The following DOCK6 variants were observed in gnomAD, a reference collection of about 807,000 sequenced individuals.
DOCK6 encodes the protein dedicator of cytokinesis protein 6.
A neutral mutation model predicts 230.3 loss-of-function variants in DOCK6; 167 were observed. That is an observed-to-expected ratio of 0.73 (90% CI 0.64 to 0.82). The LOEUF (loss-of-function observed/expected upper bound fraction) is 0.82. Among genes scored for constraint, DOCK6 ranks in the 40% least tolerant of loss-of-function variants. The pLI, the probability that DOCK6 is intolerant of heterozygous loss-of-function variation, is 0.00. For missense variants in DOCK6, 2,598 were observed against 2,825.8 expected (o/e 0.92, Z 1.83); for synonymous variants, 1,148 against 1,185.0 (o/e 0.97, Z 0.64).
chr19:11,232,147 T>C (rs1268671854), intron 22 of DOCK6: 2 of 1,257,586 alleles, frequency 1.6e-6, no homozygotes, highest in Admixed American at 4.7e-5. Flanking sequence ...CATGCTGAGG[T>C]GGTGTCACAT....
rs778023627 is a variant in DOCK6, at chr19:11,236,892, G to A, written c.2074-13C>T. On this transcript the variant is annotated splice_polypyrimidine_tract_variant and intron_variant, in intron 18 of 47. Transcript: ENST00000294618. The surrounding 1 kb of genome is among the most constrained non-coding windows in gnomAD (Gnocchi z 5.2). ...CCGGAAGCGCCACCTGTGGGAGGGAGGCACCAGGTGGGCACTGGTCAGCCC... is the reference window on the plus strand; with the variant it reads ...CCGGAAGCGCCACCTGTGGGAGGGAAGCACCAGGTGGGCACTGGTCAGCCC... 3 of 1,549,762 alleles carry A rather than the reference G, an allele frequency of 1.9e-6. No homozygotes were observed. In the South Asian group the frequency reaches 3.6e-5, roughly 18 times the overall value.
At chr19:11,210,602 C>A (rs564641294) in intron 37 of DOCK6, among the ~76,000 whole-genome samples, 1 of 149,284 alleles carries the variant, frequency 6.7e-6, no homozygotes, top group East Asian at 2.0e-4. Context: ...CTTCACCTGT[C>A]CATCCCTTCA....
intron 9 of DOCK6, 26 bp downstream of exon 9, chr19:11,245,537 C>A (rs1360735096): frequency 6.5e-7 from 1 of 1,544,298 alleles, no homozygotes. Flanking sequence ...GCCATTACCA[C>A]CCCCTTGCCC....
intron 35 of DOCK6, 46 bp downstream of exon 35, chr19:11,213,130 C>G: frequency 6.3e-7 from 1 of 1,587,020 alleles, no homozygotes; most frequent in Non-Finnish European, 8.6e-7. Context: ...CACTGGCCAC[C>G]CTGACCAGAG....
chr19:11,215,664 G>T, intron 31 of DOCK6, 137 bp downstream of exon 31: 1 of 1,451,002 alleles, frequency 6.9e-7, no homozygotes, highest in South Asian at 1.2e-5. Flanking sequence ...GCATGTGTAC[G>T]GTGATGATTT....
chr19:11,199,595 C>A, intron 47 of DOCK6, 56 bp from the exon 48 acceptor site: 2 of 1,521,980 alleles, frequency 1.3e-6, no homozygotes. Flanking sequence ...ACTCCATAGA[C>A]CTCCCAGCCC....
rs150976633 is a variant in DOCK6, at chr19:11,218,207, C to T, written c.3551-816G>A. On this transcript the variant is annotated intron_variant, in intron 28 of 47. Transcript: ENST00000294618. The stretch of plus-strand genomic sequence containing the variant: ...TGTCACATAAGCTGGAGTACAGTGG[C>T]GCCATCTTGGCCCACTGCGACCTCT... Among the ~76,000 whole-genome samples the T allele has an allele frequency of 2.0e-4, 30 of 152,076 alleles. No homozygotes were observed. The East Asian group carries it at 4.3e-3, about 22-fold the overall frequency.
chr19:11,227,954 A>C (rs2079695901), intron 23 of DOCK6, among the ~76,000 whole-genome samples: 1 of 151,668 alleles, frequency 6.6e-6, no homozygotes, highest in African/African-American at 2.4e-5. Context: ...GGAGGCTTCA[A>C]ATAACCTATT....
rs1027554187 is a variant in DOCK6 at position 11,262,451 on chromosome 19, TCCCGCCGCCGCCGCCCCGGGCCCCGGC to T, written c.-38_-12del. The T allele has an allele frequency of 2.1e-5, 25 of 1,188,270 alleles. No homozygotes were observed. Among genetic ancestry groups the T allele is most frequent in the South Asian group, 2.1e-4 (5 of 24,272 alleles). The allele number at this position is 1,188,270 out of a possible 1,614,324, so 73.6% of individuals were successfully genotyped here. On this transcript the variant is annotated 5_prime_UTR_variant, in exon 1 of 48. Coordinates refer to ENST00000294618, the MANE Select transcript of DOCK6 (RefSeq NM_020812.4). ...CTCGGAGGCAGCCATGGTCCTCGCG[TCCCGCCGCCGCCGCCCCGGGCCCCGGC>T]CCCGCCGCCGCCGCCGCCTCCCGGT...
intron 1 of DOCK6, among the ~76,000 whole-genome samples, chr19:11,260,148 C>A (rs150719893): frequency 2.0e-4 from 30 of 152,160 alleles, no homozygotes; most frequent in African/African-American, 7.2e-4. Flanking sequence ...GCTCTGGAAG[C>A]CCTGGGCCAC....
intron 32 of DOCK6, 123 bp downstream of exon 32, chr19:11,215,264 T>C: frequency 2.4e-6 from 2 of 847,612 alleles, no homozygotes; most frequent in Non-Finnish European, 3.7e-6. Flanking sequence ...AATTTTTAAA[T>C]TTTTGGTAGA....
chr19:11,255,847 C>T (rs564936728), intron 1 of DOCK6, among the ~76,000 whole-genome samples: 279 of 152,222 alleles, frequency 1.8e-3, no homozygotes, highest in South Asian at 2.9e-3. Context: ...AGTGCAGTGG[C>T]GCAATCTCGG....
intron 39 of DOCK6, among the ~76,000 whole-genome samples, chr19:11,207,289 G>A (rs978444695): frequency 6.6e-6 from 1 of 151,974 alleles, no homozygotes; most frequent in African/African-American, 2.4e-5. Context: ...AACCTCCTGG[G>A]CTCCAGTGAT....
At chr19:11,246,451 T>C (rs1417404267) in intron 7 of DOCK6, among the ~76,000 whole-genome samples, 1 of 152,080 alleles carries the variant, frequency 6.6e-6, no homozygotes, top group Non-Finnish European at 1.5e-5. Context: ...GAGTCTCCCC[T>C]GTTGCCCAGG....
Position 11,214,643 on chromosome 19 carries a change from C to G in DOCK6, c.4113G>C (p.Lys1371Asn). 1 of 1,613,584 alleles carries G rather than the reference C, an allele frequency of 6.2e-7. No individual in the cohort carries two copies. Residue 1371 changes from lysine to asparagine, a missense_variant, in exon 33 of 48, where the codon AAG becomes AAC. Physicochemically the swap from Lys to Asn is moderately conservative, Grantham distance 94 (BLOSUM62 0). Coordinates refer to ENST00000294618, the MANE Select transcript of DOCK6 (RefSeq NM_020812.4). The stretch of plus-strand genomic sequence containing the variant: ...CCAAGGCCTCGTGTTCCATTTCATC[C>G]TTGGTCCTGGAAGGGGAAAGGAGGT... ...KQTSDRVDKT[K>N]DEMEHEALVE...
chr19:11,224,086 AAC>A (rs1212283074), intron 24 of DOCK6, among the ~76,000 whole-genome samples: 1 of 152,162 alleles, frequency 6.6e-6, no homozygotes, highest in Non-Finnish European at 1.5e-5. Flanking sequence ...ACACAAAATA[AAC>A]AAGAATTTCA....
At chr19:11,261,990 A>G (rs1426693366) in intron 1 of DOCK6, among the ~76,000 whole-genome samples, 1 of 152,156 alleles carries the variant, frequency 6.6e-6, no homozygotes, top group East Asian at 1.9e-4. Flanking sequence ...GCACTGAGGA[A>G]GGAACAGAAA....
At chr19:11,228,011 CTTTT>C (rs886573859) in intron 23 of DOCK6, among the ~76,000 whole-genome samples, 12 of 134,848 alleles carry the variant, frequency 8.9e-5, no homozygotes, top group Non-Finnish European at 1.8e-4. Flanking sequence ...AGCTTTCCCT[CTTTT>C]TTTTTTTTTT....
intron 14 of DOCK6, chr19:11,239,911 C>G (rs1373375277): frequency 6.3e-7 from 1 of 1,588,386 alleles, no homozygotes. Flanking sequence ...CCAGGAACTT[C>G]GGGCAAGCCT....
Sources: gnomAD v4.1 joint callset for allele counts (sites outside exome capture counted in the v4.1 genomes callset) on GRCh38, gnomAD v4.1.1 for gene constraint, Gnocchi (gnomAD v3.1) non-coding constraint, MANE v1.5 for transcripts, NCBI Gene and HGNC (gene_info 2026-07-23, HGNC 2026-07-21) for gene names.